Variants in FAM53A observed in about 807,000 individuals in gnomAD.
The protein encoded by FAM53A is family with sequence similarity 53 member A.
Under a neutral mutation model 26.6 loss-of-function variants are expected in FAM53A, and 28 were observed. The observed-to-expected ratio is 1.05, with a 90% CI of 0.78 to 1.45. The LOEUF (loss-of-function observed/expected upper bound fraction) is 1.45. FAM53A is among the 40% of genes most tolerant of loss of function. The pLI is 0.00. For missense variants in FAM53A, 650 were observed against 575.8 expected (o/e 1.13, Z -1.32); for synonymous variants, 290 against 253.1 (o/e 1.15, Z -1.38).
chr4:1,665,321 A>T (rs1412009702), intron 2 of FAM53A, among the ~76,000 whole-genome samples: 2 of 146,984 alleles, frequency 1.4e-5, no homozygotes, highest in African/African-American at 5.0e-5. Flanking sequence ...CCATCACTTT[A>T]AAAAAAAAAA....
chr4:1,660,880 C>CAA (rs748357968), intron 2 of FAM53A, among the ~76,000 whole-genome samples: 3 of 137,032 alleles, frequency 2.2e-5, no homozygotes, highest in African/African-American at 5.4e-5. Flanking sequence ...GACTCCATCT[C>CAA]AAAAAAAAAA....
At chr4:1,621,216 G>GC (rs1479467672) in intron 1 of FAM53A, among the ~76,000 whole-genome samples, 1 of 147,102 alleles carries the variant, frequency 6.8e-6, no homozygotes, top group Admixed American at 7.1e-5. Context: ...CCATTCTCCT[G>GC]CCTCAGCCTC....
chr4:1,579,640 G>C, the FAM53A span, among the ~76,000 whole-genome samples: 1 of 152,206 alleles, frequency 6.6e-6, no homozygotes, highest in Non-Finnish European at 1.5e-5. Flanking sequence ...CTGCCTCCCA[G>C]CGCCGCTGCG....
intron 1 of FAM53A, among the ~76,000 whole-genome samples, chr4:1,670,001 C>A (rs62287712): frequency 0.26 from 39,798 of 152,128 alleles, 6,098 homozygotes; most frequent in Middle Eastern, 0.43. Flanking sequence ...GCCCAGGCCT[C>A]ACCACCACCA....
At chr4:1,596,842 G>A in the FAM53A span, among the ~76,000 whole-genome samples, 2 of 152,136 alleles carry the variant, frequency 1.3e-5, no homozygotes, top group East Asian at 3.9e-4. Context: ...ACAGAGATGG[G>A]GAAGAGACAG....
chr4:1,595,790 G>A, the FAM53A span, among the ~76,000 whole-genome samples: 1 of 152,256 alleles, frequency 6.6e-6, no homozygotes. Flanking sequence ...CTGATGTGTT[G>A]AGAGGCCTCA....
At chr4:1,631,106 T>A (rs1296102234) in intron 1 of FAM53A, among the ~76,000 whole-genome samples, 1 of 152,220 alleles carries the variant, frequency 6.6e-6, no homozygotes, top group Non-Finnish European at 1.5e-5. Context: ...ATGTTTCCAA[T>A]AAATTATTAT....
At chr4:1,588,384 T>TA in the FAM53A span, among the ~76,000 whole-genome samples, 1 of 152,234 alleles carries the variant, frequency 6.6e-6, no homozygotes, top group East Asian at 1.9e-4. Flanking sequence ...TGGGCTGTGC[T>TA]TAGTGATCTC....
At chr4:1,602,787 C>T in the FAM53A span, among the ~76,000 whole-genome samples, 2 of 152,142 alleles carry the variant, frequency 1.3e-5, no homozygotes, top group South Asian at 2.1e-4. Context: ...GCCCACCCAC[C>T]GTGGGAAGGA....
At chr4:1,635,389 T>A (rs567651560), downstream of FAM53A, among the ~76,000 whole-genome samples, 10 of 152,282 alleles carry the variant, frequency 6.6e-5, no homozygotes, top group East Asian at 1.9e-3. Flanking sequence ...TCTTCCCACC[T>A]CAGCCTCCTA....
the FAM53A span, among the ~76,000 whole-genome samples, chr4:1,600,475 G>A: frequency 1.3e-5 from 2 of 152,040 alleles, no homozygotes; most frequent in Non-Finnish European, 2.9e-5. Context: ...GGACAGGGCT[G>A]CACCAGGAGG....
the FAM53A span, among the ~76,000 whole-genome samples, chr4:1,606,178 AC>A: frequency 6.6e-6 from 1 of 151,296 alleles, no homozygotes; most frequent in African/African-American, 2.4e-5. Context: ...AGCTGGGACT[AC>A]AGGCGCCTGC....
chr4:1,683,060 C>T (rs1715565909), intron 1 of FAM53A, among the ~76,000 whole-genome samples: 1 of 152,168 alleles, frequency 6.6e-6, no homozygotes, highest in African/African-American at 2.4e-5. Flanking sequence ...CTGCCAGTAC[C>T]CAGCGCACAA....
intron 1 of FAM53A, among the ~76,000 whole-genome samples, chr4:1,629,548 C>T (rs983404721): frequency 3.3e-5 from 5 of 152,222 alleles, no homozygotes; most frequent in Admixed American, 6.5e-5. Context: ...CAGGCTCCAC[C>T]AGCTCTGGGC....
chr4:1,637,945 A>C (rs1577097072), downstream of FAM53A, among the ~76,000 whole-genome samples: 1 of 142,436 alleles, frequency 7.0e-6, no homozygotes, highest in East Asian at 2.0e-4. Context: ...CTCTGGGGTC[A>C]CCCCAGAGGG....
the FAM53A span, among the ~76,000 whole-genome samples, chr4:1,596,677 G>A: frequency 6.6e-6 from 1 of 152,206 alleles, no homozygotes; most frequent in African/African-American, 2.4e-5. Flanking sequence ...GCGGGCTGCT[G>A]TGGCCTCCAC....
chr4:1,636,911 G>A (rs1484196647), downstream of FAM53A, among the ~76,000 whole-genome samples: 2 of 152,100 alleles, frequency 1.3e-5, no homozygotes, highest in African/African-American at 4.8e-5. Context: ...TGCAGGGCTG[G>A]AACAGCGAAG....
the FAM53A span, among the ~76,000 whole-genome samples, chr4:1,584,978 T>C: frequency 6.6e-6 from 1 of 152,244 alleles, no homozygotes; most frequent in African/African-American, 2.4e-5. Flanking sequence ...TAATTAATTT[T>C]TTAACTGACT....
the FAM53A span, among the ~76,000 whole-genome samples, chr4:1,607,082 G>A: frequency 2.6e-5 from 4 of 152,274 alleles, no homozygotes; most frequent in South Asian, 6.2e-4. Flanking sequence ...GCAGTGGCCC[G>A]ATCTCAGCTC....
Sources: gnomAD v4.1 joint callset for allele counts (sites outside exome capture counted in the v4.1 genomes callset) on GRCh38, gnomAD v4.1.1 for gene constraint, MANE v1.5 for transcripts, NCBI Gene and HGNC (gene_info 2026-07-23, HGNC 2026-07-21) for gene names.